VAV3: variants seen among roughly 807,000 people sequenced by gnomAD.
The protein encoded by VAV3 is vav guanine nucleotide exchange factor 3, also known as guanine nucleotide exchange factor VAV3.
A neutral mutation model predicts 131.2 loss-of-function variants in VAV3; 94 were observed. That is an observed-to-expected ratio of 0.72 (90% CI 0.61 to 0.85). The LOEUF (loss-of-function observed/expected upper bound fraction) is 0.85. Ranked by LOEUF, VAV3 falls within the 40% of genes least tolerant of loss-of-function variation. The pLI is 0.00. For missense variants in VAV3, 939 were observed against 1,002.7 expected (o/e 0.94, Z 0.86); for synonymous variants, 349 against 342.0 (o/e 1.02, Z -0.22).
intron 1 of VAV3, among the ~76,000 whole-genome samples, chr1:107,944,552 C>T (rs1322186691): frequency 6.6e-6 from 1 of 152,010 alleles, no homozygotes; most frequent in Non-Finnish European, 1.5e-5. Flanking sequence ...GAAATAAATG[C>T]TGAATGAATG....
intron 1 of VAV3, among the ~76,000 whole-genome samples, chr1:107,944,457 T>C (rs1296816206): frequency 6.6e-6 from 1 of 152,236 alleles, no homozygotes; most frequent in Non-Finnish European, 1.5e-5. Context: ...GGAGAGTGTG[T>C]ATCCTCCAAA....
intron 5 of VAV3, among the ~76,000 whole-genome samples, chr1:107,771,613 C>T (rs1420942938): frequency 6.6e-6 from 1 of 152,190 alleles, no homozygotes; most frequent in African/African-American, 2.4e-5. Flanking sequence ...GTTTTCTTAT[C>T]TGTCAAACAG....
Position 107,874,730 on chromosome 1 carries a change from T to TTG in VAV3, c.321+170_321+171insCA, listed in dbSNP as rs1557895218. On this transcript the variant is annotated intron_variant, in intron 2 of 26. Transcript: ENST00000370056. Reference sequence around the variant, plus strand: ...GTTGTTGTATGTGTGGGGTTTCTTTTTTGTTGTTGTTTTTTGGTTTTTGGT... The same window carrying TTG: ...GTTGTTGTATGTGTGGGGTTTCTTTTTGTTGTTGTTGTTTTTTGGTTTTTGGT... 6.6e-5 allele frequency among the ~76,000 whole-genome samples: 10 copies of TTG among 151,728 alleles called. No individual in the cohort carries two copies. The East Asian group carries it at 1.6e-3, about 24-fold the overall frequency.
At chr1:107,673,254 G>A (rs1158559087) in intron 19 of VAV3, among the ~76,000 whole-genome samples, 1 of 152,094 alleles carries the variant, frequency 6.6e-6, no homozygotes, top group East Asian at 1.9e-4. Context: ...CACTCCTCTG[G>A]ATAAAACCTT....
At chr1:107,579,004 A>C in intron 25 of VAV3, 1 of 808,220 alleles carries the variant, frequency 1.2e-6, no homozygotes, top group East Asian at 1.3e-4. Context: ...AATATCTACT[A>C]TTCCTGAAGG....
intron 15 of VAV3, among the ~76,000 whole-genome samples, chr1:107,719,207 G>T (rs1350950009): frequency 6.6e-6 from 1 of 152,162 alleles, no homozygotes; most frequent in Non-Finnish European, 1.5e-5. Flanking sequence ...ATAGACAAAT[G>T]GGATCTAATT....
chr1:107,819,667 G>A (rs959446724), intron 2 of VAV3, among the ~76,000 whole-genome samples: 2 of 152,034 alleles, frequency 1.3e-5, no homozygotes, highest in Admixed American at 1.3e-4. Context: ...ATTCGATTGG[G>A]GGAATTTATG....
intron 25 of VAV3, among the ~76,000 whole-genome samples, chr1:107,593,925 T>C (rs962150127): frequency 6.6e-6 from 1 of 152,096 alleles, no homozygotes; most frequent in African/African-American, 2.4e-5. Flanking sequence ...CAGTAACTTT[T>C]ACTGTTTACC....
chr1:107,634,595 T>C (rs1654759286), intron 20 of VAV3, among the ~76,000 whole-genome samples: 1 of 144,798 alleles, frequency 6.9e-6, no homozygotes, highest in Non-Finnish European at 1.5e-5. Flanking sequence ...CCAAAAGCAA[T>C]GGCAATGAAA....
intron 2 of VAV3, among the ~76,000 whole-genome samples, chr1:107,854,178 C>T (rs568065583): frequency 6.6e-6 from 1 of 152,242 alleles, no homozygotes; most frequent in African/African-American, 2.4e-5. Context: ...GGCATGGTAG[C>T]GTGCGCCTGT....
At chr1:107,664,643 T>C (rs1657282258) in intron 19 of VAV3, among the ~76,000 whole-genome samples, 1 of 152,122 alleles carries the variant, frequency 6.6e-6, no homozygotes, top group Non-Finnish European at 1.5e-5. Flanking sequence ...TATGAAAAGA[T>C]GAAGCTCCAG....
At chr1:107,729,335 C>T (rs960144606) in intron 15 of VAV3, among the ~76,000 whole-genome samples, 2 of 151,918 alleles carry the variant, frequency 1.3e-5, no homozygotes, top group African/African-American at 4.8e-5. Context: ...CTACATAAGG[C>T]AAATTTGGTA....
At chr1:107,633,969 T>G (rs929649264) in intron 20 of VAV3, among the ~76,000 whole-genome samples, 1 of 152,066 alleles carries the variant, frequency 6.6e-6, no homozygotes, top group African/African-American at 2.4e-5. Flanking sequence ...CATAGCATTA[T>G]GAGAAATAAT....
chr1:107,881,310 G>A (rs1416130139), intron 1 of VAV3, among the ~76,000 whole-genome samples: 1 of 152,320 alleles, frequency 6.6e-6, no homozygotes, highest in East Asian at 1.9e-4. Context: ...GATTGACTGT[G>A]TGTGGGGACG....
intron 15 of VAV3, among the ~76,000 whole-genome samples, chr1:107,723,146 A>G (rs2101929856): frequency 6.6e-6 from 1 of 152,214 alleles, no homozygotes; most frequent in East Asian, 1.9e-4. Flanking sequence ...CATAAATGGT[A>G]CTCCACATAT....
At chr1:107,907,354 A>T (rs371244229) in intron 1 of VAV3, among the ~76,000 whole-genome samples, 3 of 152,236 alleles carry the variant, frequency 2.0e-5, no homozygotes, top group African/African-American at 7.2e-5. Flanking sequence ...ATTCAAAAAG[A>T]TGTTGACAAT....
intron 1 of VAV3, among the ~76,000 whole-genome samples, chr1:107,904,177 T>C (rs1326276430): frequency 6.6e-6 from 1 of 152,186 alleles, no homozygotes; most frequent in African/African-American, 2.4e-5. Flanking sequence ...AATGACCCTT[T>C]GGTATCAATC....
chr1:107,684,988 C>G (rs934636749), intron 18 of VAV3, among the ~76,000 whole-genome samples: 3 of 152,092 alleles, frequency 2.0e-5, no homozygotes, highest in Non-Finnish European at 4.4e-5. Context: ...GCTACATATC[C>G]CATCATCTTC....
chr1:107,696,179 G>A (rs1659734284), intron 17 of VAV3, among the ~76,000 whole-genome samples: 1 of 152,118 alleles, frequency 6.6e-6, no homozygotes, highest in South Asian at 2.1e-4. Context: ...GGAACCAACA[G>A]TATTACACAT....
Sources: gnomAD v4.1 joint callset for allele counts (sites outside exome capture counted in the v4.1 genomes callset) on GRCh38, gnomAD v4.1.1 for gene constraint, MANE v1.5 for transcripts, NCBI Gene and HGNC (gene_info 2026-07-23, HGNC 2026-07-21) for gene names.